The following INSR variants were observed in gnomAD, a reference collection of about 807,000 sequenced individuals.
The protein encoded by INSR is IR.
INSR carries 67 observed loss-of-function variants against 142.6 expected under a neutral mutation model. That is an observed-to-expected ratio of 0.47 (90% CI 0.39 to 0.58). The LOEUF (loss-of-function observed/expected upper bound fraction) is 0.58, where lower values mean the gene tolerates loss of function less well. Ranked by LOEUF, INSR falls within the 20% of genes least tolerant of loss-of-function variation. The probability of loss-of-function intolerance (pLI) is 0.00; values close to 1 mark genes in which losing one functional copy is unlikely to be tolerated. For missense variants in INSR, 1,248 were observed against 1,833.2 expected, an observed-to-expected ratio of 0.68 and a Z score of 5.83; for synonymous variants, 756 against 743.1, an observed-to-expected ratio of 1.02 and a Z score of -0.28.
rs1225707409 is a variant in INSR, at chr19:7,143,108, C to T, written c.2268-18G>A. 5.0e-6 allele frequency: 8 copies of T among 1,613,926 alleles called. No homozygotes were observed. Among genetic ancestry groups the T allele is most frequent in the Non-Finnish European group, 6.8e-6 (8 of 1,179,916 alleles). On this transcript the variant is annotated intron_variant, in intron 11 of 21. Transcript: ENST00000302850. The stretch of plus-strand genomic sequence containing the variant: ...GAGATGGCCTGGAACGACAGTAGGA[C>T]ATGTATGATGACACCATCACCATCA...
intron 9 of INSR, among the ~76,000 whole-genome samples, chr19:7,160,408 A>C (rs1044369576): frequency 4.0e-5 from 6 of 151,610 alleles, no homozygotes; most frequent in African/African-American, 1.5e-4. Context: ...CGGCCTCCCA[A>C]AGTGCTGGGA....
chr19:7,176,676 C>A (rs904561979), intron 3 of INSR, among the ~76,000 whole-genome samples: 2 of 152,142 alleles, frequency 1.3e-5, no homozygotes, highest in African/African-American at 4.8e-5. Context: ...TGCCTACCTC[C>A]CCTTTGCTTT....
At chr19:7,285,051 A>C (rs1388843144) in intron 1 of INSR, among the ~76,000 whole-genome samples, 1 of 152,120 alleles carries the variant, frequency 6.6e-6, no homozygotes, top group Non-Finnish European at 1.5e-5. Flanking sequence ...GCAGTGGCTC[A>C]TGCCTGTAAT....
Position 7,160,214 on chromosome 19 carries a change from G to GAA in INSR, c.2029+2817_2029+2818insTT, listed in dbSNP as rs1223136195. Among the ~76,000 whole-genome samples the GAA allele has an allele frequency of 5.9e-5, 9 of 152,082 alleles. No homozygotes were observed. In the South Asian group the frequency reaches 1.9e-3, roughly 32 times the overall value. The stretch of plus-strand genomic sequence containing the variant: ...TTGTTACCCAGGCTGGAGTGCAATG[G>GAA]TGCAAGCTCGGCTCATTGCAACCTC... On this transcript the variant is annotated intron_variant, in intron 9 of 21. Transcript: ENST00000302850.
chr19:7,126,172 C>T (rs936234571), intron 16 of INSR, among the ~76,000 whole-genome samples: 3 of 152,172 alleles, frequency 2.0e-5, no homozygotes, highest in Admixed American at 6.5e-5. Flanking sequence ...CAGCCTCCCC[C>T]AGCTTAGGGC....
chr19:7,236,922 G>T (rs1047913771), intron 2 of INSR, among the ~76,000 whole-genome samples: 11 of 151,850 alleles, frequency 7.2e-5, no homozygotes, highest in Non-Finnish European at 1.5e-4. Context: ...AGCTACTCGG[G>T]AGGCTGAGGA....
At chr19:7,151,162 C>CTCTTTCTTTCTTTCTTTCTTTCTT in intron 10 of INSR, among the ~76,000 whole-genome samples, 1 of 45,892 alleles carries the variant, frequency 2.2e-5, no homozygotes, top group East Asian at 7.0e-4. Context: ...TTCTTTCTTT[C>CTCTTTCTTTCTTTCTTTCTTTCTT]TCTTTCTTTC....
At chr19:7,191,723 G>A (rs1017648854) in intron 2 of INSR, among the ~76,000 whole-genome samples, 5 of 152,100 alleles carry the variant, frequency 3.3e-5, no homozygotes, top group African/African-American at 1.2e-4. Flanking sequence ...CAGCTACTCG[G>A]GAGACTGAGG....
At chr19:7,291,480 G>A (rs1247282937) in intron 1 of INSR, among the ~76,000 whole-genome samples, 2 of 152,222 alleles carry the variant, frequency 1.3e-5, no homozygotes, top group East Asian at 3.8e-4. Flanking sequence ...AACTCCTTAA[G>A]ATGATAAAGG....
At chr19:7,175,801 C>G (rs1403081389) in intron 3 of INSR, among the ~76,000 whole-genome samples, 1 of 151,548 alleles carries the variant, frequency 6.6e-6, no homozygotes, top group Non-Finnish European at 1.5e-5. Context: ...CACCACTGCA[C>G]TCCAGCTGGG....
intron 12 of INSR, among the ~76,000 whole-genome samples, chr19:7,142,434 C>T (rs1973093894): frequency 6.8e-6 from 1 of 146,530 alleles, no homozygotes; most frequent in South Asian, 2.1e-4. Context: ...GGTGCTCATG[C>T]CTGTAATCCC....
At chr19:7,133,342 G>A (rs910923013) in intron 13 of INSR, among the ~76,000 whole-genome samples, 2 of 152,186 alleles carry the variant, frequency 1.3e-5, no homozygotes, top group Non-Finnish European at 2.9e-5. Flanking sequence ...AGTATAAATT[G>A]TGGAATGATT....
At chr19:7,292,197 T>C (rs11669384) in intron 1 of INSR, among the ~76,000 whole-genome samples, 18,047 of 151,680 alleles carry the variant, frequency 0.12, 1,372 homozygotes, top group East Asian at 0.39. Flanking sequence ...TTCAAGCAAT[T>C]GTCCCGCCTC....
chr19:7,222,124 C>T (rs977912819), intron 2 of INSR, among the ~76,000 whole-genome samples: 1 of 18,798 alleles, frequency 5.3e-5, no homozygotes, highest in African/African-American at 3.0e-4. Flanking sequence ...CCTATGTCCT[C>T]GGTAAAAAAA....
Position 7,225,707 on chromosome 19 carries a change from C to A in INSR, c.653-41070G>T, listed in dbSNP as rs564824578. 3.3e-5 allele frequency among the ~76,000 whole-genome samples: 5 copies of A among 150,200 alleles called. No homozygotes were observed. The highest frequency in any genetic ancestry group is 1.3e-4 in the African/African-American group (5 of 39,994). ...GGCTCTTGGTTTCCATTTCCCCCCC[C>A]TCAAAAAAAGAGCAGAGAATAATTG... On this transcript the variant is annotated intron_variant, in intron 2 of 21. Coordinates refer to ENST00000302850, the MANE Select transcript of INSR (RefSeq NM_000208.4). The surrounding 1 kb of genome is among the most constrained non-coding windows in gnomAD (Gnocchi z 4.7).
At chr19:7,167,784 C>T (rs1328587382) in intron 7 of INSR, among the ~76,000 whole-genome samples, 184 bp downstream of exon 7, 1 of 152,050 alleles carries the variant, frequency 6.6e-6, no homozygotes, top group Non-Finnish European at 1.5e-5. Flanking sequence ...TTGATAAAAG[C>T]AGACACTATT....
At chr19:7,248,194 G>A (rs35231807) in intron 2 of INSR, among the ~76,000 whole-genome samples, 16,453 of 150,512 alleles carry the variant, frequency 0.11, 2,457 homozygotes, top group African/African-American at 0.34. Context: ...CACCCAGGCT[G>A]GAGTGCAGTG....
In INSR at chr19:7,293,815, G is replaced by T. The variant is rs1201722489; in HGVS notation, c.77C>A (p.Ala26Glu). 6 of 1,353,638 alleles carry T rather than the reference G, an allele frequency of 4.4e-6. No individual in the cohort carries two copies. Among genetic ancestry groups the T allele is most frequent in the Non-Finnish European group, 5.7e-6 (6 of 1,048,724 alleles). 83.9% of individuals were successfully genotyped at this position (1,353,638 alleles called of 1,614,324 possible). A position where few individuals can be genotyped will look rare whatever the true frequency, so the allele number is the denominator to read the frequency against. The change falls in exon 1 of 22, where the codon GCG (alanine) becomes GAG (glutamate). Residue 26 changes from alanine (A) to glutamate (E), a missense_variant. Coordinates refer to ENST00000302850, the MANE Select transcript of INSR (RefSeq NM_000208.4). ...ACCCTCTCCGGGGTACAGGTGGCCC[G>T]CGGCGCCCAGTAGCAGCGCGGCCAC... is the stretch of plus-strand genomic sequence containing the variant. ...VAVAALLLGA[A>E]GHLYPGEVCP...
intron 2 of INSR, among the ~76,000 whole-genome samples, chr19:7,213,771 C>T (rs1432965776): frequency 1.3e-5 from 2 of 152,126 alleles, no homozygotes; most frequent in African/African-American, 2.4e-5. Flanking sequence ...TGGTGAGTCA[C>T]GAAGTCAGGA....
Sources: allele counts gnomAD v4.1 joint callset (sites outside exome capture counted in the v4.1 genomes callset), GRCh38; gene constraint gnomAD v4.1.1; non-coding constraint Gnocchi (gnomAD v3.1); transcripts MANE v1.5; gene names NCBI Gene and HGNC (gene_info 2026-07-23, HGNC 2026-07-21).